WDR74: variants seen among roughly 807,000 people sequenced by gnomAD.
WDR74 encodes the protein WD repeat-containing protein 74.
WDR74 carries 31 observed loss-of-function variants against 45.6 expected under a neutral mutation model. The ratio of observed to expected loss-of-function variants is 0.68; its 90% CI spans 0.51 to 0.92. The LOEUF (loss-of-function observed/expected upper bound fraction) is 0.92, where lower values mean the gene tolerates loss of function less well. Among genes scored for constraint, WDR74 ranks in the 40% least tolerant of loss-of-function variants. The probability of loss-of-function intolerance (pLI) is 0.00; values close to 1 mark genes in which losing one functional copy is unlikely to be tolerated. For synonymous variants in WDR74, 191 were observed against 192.4 expected, an observed-to-expected ratio of 0.99 and a Z score of 0.06; for missense variants, 455 against 497.2, an observed-to-expected ratio of 0.92 and a Z score of 0.81.
intron 3 of WDR74, chr11:62,836,245 G>A: frequency 1.9e-6 from 1 of 532,990 alleles, no homozygotes; most frequent in Non-Finnish European, 3.4e-6. Context: ...TCTAGGCAGG[G>A]CTTGACAGCT....
chr11:62,838,580 G>A (rs968940337), intron 3 of WDR74, among the ~76,000 whole-genome samples: 8 of 151,746 alleles, frequency 5.3e-5, no homozygotes, highest in Non-Finnish European at 4.4e-5. Flanking sequence ...CCAATACGGT[G>A]AAACCCCGTC....
upstream of WDR74, chr11:62,841,688 A>AT (rs2085063348): frequency 6.9e-6 from 1 of 145,152 alleles, no homozygotes; most frequent in Non-Finnish European, 1.6e-5. Flanking sequence ...GCAAGCTCCT[A>AT]TTCCATCTCC....
chr11:62,841,587 T>G (rs191277552), upstream of WDR74: 3 of 152,182 alleles, frequency 2.0e-5, no homozygotes, highest in Admixed American at 6.6e-5. Context: ...ATCGAAATCT[T>G]CCATTAAACA....
chr11:62,836,626 GTTCT>G (rs941129177), intron 3 of WDR74: 2 of 156,298 alleles, frequency 1.3e-5, no homozygotes, highest in Non-Finnish European at 2.8e-5. Context: ...CTGCGCCTAT[GTTCT>G]TTCTCACACC....
chr11:62,835,664 G>A, intron 5 of WDR74, 31 bp downstream of exon 5: 1 of 1,613,910 alleles, frequency 6.2e-7, no homozygotes, highest in Non-Finnish European at 8.5e-7. Flanking sequence ...CTCGACTTCA[G>A]GAACAGCTCC....
upstream of WDR74, chr11:62,841,668 A>T (rs1014361633): frequency 3.3e-5 from 5 of 152,232 alleles, no homozygotes; most frequent in Non-Finnish European, 5.9e-5. Context: ...CGATGCGTGG[A>T]GTGGACGGAG....
Position 62,833,838 on chromosome 11 carries a change from ACT to A in WDR74, c.873_874del (p.Arg291SerfsTer16), listed in dbSNP as rs2084916382. On this transcript the variant is annotated frameshift_variant, in exon 9 of 11. Transcript: ENST00000278856. LOFTEE classifies it high-confidence loss of function. ...ATTCTGGATCCTGTGTATCCTCAAG[ACT>A]CTGTCCAAGCCACAGGAGGCTAGTA... The A allele has an allele frequency of 2.5e-6, 4 of 1,613,642 alleles. No individual in the cohort carries two copies. In the South Asian group the frequency reaches 3.3e-5, roughly 13 times the overall value.
upstream of WDR74, chr11:62,841,606 T>A (rs202200096): frequency 6.6e-6 from 1 of 152,116 alleles, no homozygotes; most frequent in Non-Finnish European, 1.5e-5. Context: ...CAACGGTTGT[T>A]CTCTCCCCGA....
chr11:62,839,839 C>A (rs1421850732), upstream of WDR74: 2 of 520,084 alleles, frequency 3.8e-6, no homozygotes, highest in Non-Finnish European at 6.8e-6. Context: ...GTCTGTCTCC[C>A]GGCTCCATTA....
chr11:62,836,990 C>T (rs939074406), intron 3 of WDR74, among the ~76,000 whole-genome samples: 4 of 152,084 alleles, frequency 2.6e-5, no homozygotes, highest in South Asian at 2.1e-4. Flanking sequence ...GCAGGAGAAT[C>T]GCCTGAACCA....
chr11:62,835,254 C>A, intron 6 of WDR74, 177 bp downstream of exon 6: 1 of 610,166 alleles, frequency 1.6e-6, no homozygotes, highest in South Asian at 2.0e-5. Flanking sequence ...GGAAACTCCA[C>A]CCTAGAATAC....
At chr11:62,841,409 G>T (rs975033535), upstream of WDR74, among the ~76,000 whole-genome samples, 1 of 150,920 alleles carries the variant, frequency 6.6e-6, no homozygotes, top group Admixed American at 6.6e-5. Flanking sequence ...GCTGAAGTAT[G>T]AAGATTGCTG....
At chr11:62,834,201 C>G in intron 8 of WDR74, 75 bp downstream of exon 8, 1 of 1,605,810 alleles carries the variant, frequency 6.2e-7, no homozygotes, top group Non-Finnish European at 8.5e-7. Context: ...ACTGGCCCCA[C>G]TGCACCACCT....
chr11:62,839,563 G>A lies in WDR74; in HGVS notation c.8C>T (p.Ala3Val), dbSNP rs200010672. 1.2e-6 allele frequency: 2 copies of A among 1,610,250 alleles called. No homozygotes were observed. Among genetic ancestry groups the A allele is most frequent in the Non-Finnish European group, 1.7e-6 (2 of 1,178,144 alleles). Residue 3 changes from alanine (A) to valine (V), a missense_variant, in exon 1 of 11, where the codon GCT becomes GTT. Coordinates refer to ENST00000278856, the MANE Select transcript of WDR74 (RefSeq NM_001369450.1). Reference protein sequence around the residue: MAAAAARWNHVWV... With the variant: MAVAAARWNHVWV... ...CACATGGTTCCAGCGTGCAGCAGCAGCCGCCATGACAAAGCCTGGAGGCAG... is the reference window on the plus strand; with the variant it reads ...CACATGGTTCCAGCGTGCAGCAGCAACCGCCATGACAAAGCCTGGAGGCAG...
intron 6 of WDR74, chr11:62,834,843 T>C: frequency 2.7e-6 from 1 of 363,714 alleles, no homozygotes; most frequent in Non-Finnish European, 5.1e-6. Context: ...AGGTGCTAAA[T>C]TTCAAGCAGG....
At chr11:62,839,658 T>C, upstream of WDR74, 1 of 1,483,306 alleles carries the variant, frequency 6.7e-7, no homozygotes, top group South Asian at 1.3e-5. Context: ...GCAGTGTAGT[T>C]GCTGGAAGTT....
At chr11:62,840,725 G>C (rs2085033201), upstream of WDR74, among the ~76,000 whole-genome samples, 1 of 152,140 alleles carries the variant, frequency 6.6e-6, no homozygotes, top group South Asian at 2.1e-4. Flanking sequence ...AGGCTAGAGC[G>C]CCCGCCACCA....
chr11:62,838,297 C>T (rs1321835530), intron 3 of WDR74, among the ~76,000 whole-genome samples: 1 of 151,964 alleles, frequency 6.6e-6, no homozygotes, highest in African/African-American at 2.4e-5. Context: ...GGATTACAGG[C>T]ATGAGCCACC....
At chr11:62,841,759 T>A (rs1020853473), upstream of WDR74, 1 of 152,226 alleles carries the variant, frequency 6.6e-6, no homozygotes, top group Admixed American at 6.5e-5. Flanking sequence ...GATATTAAAC[T>A]GATAAGAACA....
Sources: gnomAD v4.1 joint callset for allele counts (sites outside exome capture counted in the v4.1 genomes callset) on GRCh38, gnomAD v4.1.1 for gene constraint, MANE v1.5 for transcripts, NCBI Gene and HGNC (gene_info 2026-07-23, HGNC 2026-07-21) for gene names.